Variants in VPS53 observed in about 807,000 individuals in gnomAD.
VPS53 encodes vacuolar protein sorting-associated protein 53 homolog.
In VPS53, 70 loss-of-function variants were observed where a neutral mutation model predicts 107.0. The ratio of observed to expected loss-of-function variants is 0.65; its 90% CI spans 0.54 to 0.80. The LOEUF (loss-of-function observed/expected upper bound fraction) is 0.80, where lower values mean the gene tolerates loss of function less well. VPS53 is among the 30% of genes least tolerant of loss of function. The pLI, the probability that VPS53 is intolerant of heterozygous loss-of-function variation, is 0.00. For synonymous variants in VPS53, 409 were observed against 393.3 expected, an observed-to-expected ratio of 1.04 and a Z score of -0.47; for missense variants, 917 against 1,049.4, an observed-to-expected ratio of 0.87 and a Z score of 1.74.
At position 524,086 on chromosome 17, in the gene VPS53, G is replaced by T. The variant is rs529932228; in HGVS notation, c.2086-2348C>A. The stretch of plus-strand genomic sequence containing the variant: ...GGCCGAGGCGGGTGGATCATCTGAG[G>T]TCAGGAGTTCGAGACCAGCCTGGCC... On this transcript the variant is annotated intron_variant, in intron 19 of 21. Coordinates refer to ENST00000437048, the MANE Select transcript of VPS53 (RefSeq NM_001128159.3). This position sits in a 1 kb window ranked among gnomAD's most constrained non-coding sequence, Gnocchi z 4.5. 2.0e-5 allele frequency among the ~76,000 whole-genome samples: 3 copies of T among 152,090 alleles called. No homozygotes were observed. The highest frequency in any genetic ancestry group is 2.0e-4 in the Admixed American group (3 of 15,274).
chr17:655,309 A>T (rs904318238), intron 6 of VPS53, among the ~76,000 whole-genome samples: 1 of 9,206 alleles, frequency 1.1e-4, no homozygotes, highest in Admixed American at 1.1e-3. Flanking sequence ...ACGGAAATCT[A>T]CTTTATAAAA....
At position 520,324 on chromosome 17, in the gene VPS53, C is replaced by T. The variant is rs1348419403; in HGVS notation, c.2224-394G>A. ...TATCAGGACCATCCGGGAAACCCTG[C>T]GTGAGAGGGTCTCCTGTTCCAGGCA... is the stretch of plus-strand genomic sequence containing the variant. On this transcript the variant is annotated intron_variant, in intron 20 of 21. Coordinates refer to ENST00000437048, the MANE Select transcript of VPS53 (RefSeq NM_001128159.3). The surrounding 1 kb of genome is among the most constrained non-coding windows in gnomAD (Gnocchi z 4.4). Among the ~76,000 whole-genome samples, 6 of 152,124 alleles carry T rather than the reference C, an allele frequency of 3.9e-5. No homozygotes were observed. Among genetic ancestry groups the T allele is most frequent in the East Asian group, 1.9e-4 (1 of 5,194 alleles).
At chr17:631,455 A>T in intron 8 of VPS53, 95 bp downstream of exon 8, 1 of 1,313,096 alleles carries the variant, frequency 7.6e-7, no homozygotes, top group Non-Finnish European at 1.1e-6. Context: ...GCCAGCGAGC[A>T]TGACTGGAAT....
rs1390460308 is a variant in VPS53, at chr17:609,788, GAAGA to G, written c.1117-7896_1117-7893del. On this transcript the variant is annotated intron_variant, in intron 11 of 21. Coordinates refer to ENST00000437048, the MANE Select transcript of VPS53 (RefSeq NM_001128159.3). ...TGGGTAAGAGACAGCGAAGAGGAGA[GAAGA>G]GAGAAGAGAAGAGAGGAAAAAAACA... Among the ~76,000 whole-genome samples, 8 of 151,916 alleles carry G rather than the reference GAAGA, an allele frequency of 5.3e-5. 1 individual carries two copies. Among genetic ancestry groups the G allele is most frequent in the Non-Finnish European group, 1.5e-5 (1 of 68,016 alleles).
Position 588,123 on chromosome 17 carries a change from A to C in VPS53, c.1219-1759T>G, listed in dbSNP as rs186487673. ...ACAAGGTCAGGAGTTCAAGACCAGC[A>C]TGGCCAATATGGTGAAACCCTGTCT... On this transcript the variant is annotated intron_variant, in intron 12 of 21. Coordinates refer to ENST00000437048, the MANE Select transcript of VPS53 (RefSeq NM_001128159.3). Among the ~76,000 whole-genome samples, 557 of 152,224 alleles carry C rather than the reference A, an allele frequency of 3.7e-3. 4 individuals carry two copies. Among genetic ancestry groups the C allele is most frequent in the African/African-American group, 0.011 (445 of 41,540 alleles).
chr17:620,256 ATTGCCT>A (rs1412947994), intron 11 of VPS53, among the ~76,000 whole-genome samples: 3 of 152,206 alleles, frequency 2.0e-5, no homozygotes, highest in Non-Finnish European at 4.4e-5. Flanking sequence ...TCTGCAGTCC[ATTGCCT>A]GAAAGGCCAG....
chr17:686,604 C>T (rs780424701), intron 4 of VPS53, among the ~76,000 whole-genome samples: 4 of 152,112 alleles, frequency 2.6e-5, no homozygotes, highest in Non-Finnish European at 5.9e-5. Context: ...GAGAACAGCA[C>T]GCTGAAGGCA....
intron 11 of VPS53, among the ~76,000 whole-genome samples, chr17:609,205 A>G (rs1442734463): frequency 6.6e-6 from 1 of 151,938 alleles, no homozygotes. Context: ...ATCGGCCTCT[A>G]TGGATTTGCC....
chr17:670,281 T>C (rs60721982), intron 4 of VPS53, among the ~76,000 whole-genome samples: 14,661 of 152,164 alleles, frequency 0.096, 985 homozygotes, highest in East Asian at 0.38. Flanking sequence ...TATAAAGCGG[T>C]GACTGCCGTG....
At chr17:528,623 A>G in intron 19 of VPS53, among the ~76,000 whole-genome samples, 1 of 131,390 alleles carries the variant, frequency 7.6e-6, no homozygotes, top group Admixed American at 8.7e-5. Flanking sequence ...TTTGAGACAG[A>G]GTCTCACCCT....
rs562694095 is a variant in VPS53 at position 517,440 on chromosome 17, T to G, written c.*1688A>C. 2.1e-4 allele frequency: 85 copies of G among 398,824 alleles called. No homozygotes were observed. Among genetic ancestry groups the G allele is most frequent in the African/African-American group, 1.7e-3 (83 of 48,736 alleles). The allele number at this position is 398,824 out of a possible 1,614,324, so 24.7% of individuals were successfully genotyped here. A position where few individuals can be genotyped will look rare whatever the true frequency, so the allele number is the denominator to read the frequency against. ...GGGAAACAAGGTGGGGATGAGGAAA[T>G]CAGGTTTCCAGGCAGATTTCCAAAC... On this transcript the variant is annotated 3_prime_UTR_variant, in exon 22 of 22. Transcript: ENST00000437048.
chr17:601,462 A>G (rs1968321054), intron 12 of VPS53, among the ~76,000 whole-genome samples: 1 of 152,104 alleles, frequency 6.6e-6, no homozygotes, highest in African/African-American at 2.4e-5. Flanking sequence ...TCATCACTGT[A>G]CCAGATGACA....
At chr17:639,713 G>A (rs1163175489) in intron 7 of VPS53, among the ~76,000 whole-genome samples, 1 of 152,246 alleles carries the variant, frequency 6.6e-6, no homozygotes, top group African/African-American at 2.4e-5. Context: ...ATCAGCAGCG[G>A]AGGCTGCAGA....
chr17:607,498 G>A (rs1183731178), intron 11 of VPS53, among the ~76,000 whole-genome samples: 1 of 152,228 alleles, frequency 6.6e-6, no homozygotes, highest in Non-Finnish European at 1.5e-5. Flanking sequence ...ACAAGTCCTT[G>A]TGGGGAGCGA....
intron 11 of VPS53, among the ~76,000 whole-genome samples, chr17:621,010 A>T (rs9902798): frequency 1.3e-5 from 2 of 152,136 alleles, no homozygotes; most frequent in Admixed American, 1.3e-4. Context: ...AAGTACACAC[A>T]AAGTATGTAA....
At chr17:584,646 G>A (rs539586797) in intron 13 of VPS53, among the ~76,000 whole-genome samples, 5 of 152,088 alleles carry the variant, frequency 3.3e-5, no homozygotes, top group Non-Finnish European at 5.9e-5. Context: ...TCAGCCTCTC[G>A]AGTAGCTGGG....
intron 2 of VPS53, among the ~76,000 whole-genome samples, chr17:703,373 C>G (rs997667998): frequency 6.7e-6 from 1 of 149,890 alleles, no homozygotes; most frequent in African/African-American, 2.5e-5. Flanking sequence ...CTACCTCTAA[C>G]GCAATGATTC....
At position 519,603 on chromosome 17, in the gene VPS53, G is replaced by C. The variant is rs1213963798; in HGVS notation, c.2328+223C>G. On this transcript the variant is annotated intron_variant, in intron 21 of 21. Coordinates refer to ENST00000437048, the MANE Select transcript of VPS53 (RefSeq NM_001128159.3). The surrounding 1 kb of genome is among the most constrained non-coding windows in gnomAD (Gnocchi z 5.0). ...CCCCTGCCCCTGCCCCATCCTCCCT[G>C]TGCAGGTGGTCTCAGCGGGGCATGC... 6.6e-6 allele frequency among the ~76,000 whole-genome samples: 1 copy of C among 152,202 alleles called. No homozygotes were observed. The highest frequency in any genetic ancestry group is 2.4e-5 in the African/African-American group (1 of 41,436).
intron 15 of VPS53, among the ~76,000 whole-genome samples, chr17:553,782 C>A (rs1202094452): frequency 6.6e-6 from 1 of 152,070 alleles, no homozygotes; most frequent in Non-Finnish European, 1.5e-5. Context: ...GTTGGTCAGG[C>A]CGGTCTCAAA....
Sources: allele counts gnomAD v4.1 joint callset (sites outside exome capture counted in the v4.1 genomes callset), GRCh38; gene constraint gnomAD v4.1.1; non-coding constraint Gnocchi (gnomAD v3.1); transcripts MANE v1.5; gene names NCBI Gene and HGNC (gene_info 2026-07-23, HGNC 2026-07-21).